CDYL2: variants seen among roughly 807,000 people sequenced by gnomAD.
CDYL2 encodes chromodomain Y like 2.
In CDYL2, 23 loss-of-function variants were observed where a neutral mutation model predicts 49.4. The observed-to-expected ratio is 0.47, with a 90% confidence interval of 0.34 to 0.66. CDYL2 has a LOEUF of 0.66. CDYL2 is among the 30% of genes least tolerant of loss of function. The probability of loss-of-function intolerance (pLI) is 0.01; values close to 1 mark genes in which losing one functional copy is unlikely to be tolerated. For missense variants in CDYL2, 678 were observed against 656.4 expected, an observed-to-expected ratio of 1.03 and a Z score of -0.36; for synonymous variants, 360 against 268.8, an observed-to-expected ratio of 1.34 and a Z score of -3.32.
intron 1 of CDYL2, among the ~76,000 whole-genome samples, chr16:80,786,815 C>G (rs1907451547): frequency 6.6e-6 from 1 of 151,900 alleles, no homozygotes; most frequent in Non-Finnish European, 1.5e-5. Flanking sequence ...CAAACTATCA[C>G]AAGATCAGAA....
chr16:80,612,647 G>A lies in CDYL2; in HGVS notation c.1197C>T (p.Pro399=). The change falls in exon 5 of 7, where the codon CCC becomes CCT. Residue 399 remains proline (P), a synonymous_variant. Transcript: ENST00000570137. The surrounding 1 kb of genome is among the most constrained non-coding windows in gnomAD (Gnocchi z 5.0). The part of the protein sequence containing the change: ...TPAGCSSYTF[P]QILGVALANE... ...TTACCAGCGCGACGCCCAGGATCTG[G>A]GGGAAGGTGTAGGAGGAGCAGCCAG... 1.2e-6 allele frequency: 2 copies of A among 1,610,790 alleles called. No individual in the cohort carries two copies. The highest frequency in any genetic ancestry group is 8.5e-7 in the Non-Finnish European group (1 of 1,178,758).
At chr16:80,714,463 T>C (rs1483765483) in intron 1 of CDYL2, among the ~76,000 whole-genome samples, 1 of 152,168 alleles carries the variant, frequency 6.6e-6, no homozygotes, top group African/African-American at 2.4e-5. Flanking sequence ...ACAATTACTA[T>C]ATGTCAACTA....
chr16:80,703,883 G>A (rs1410735478), intron 1 of CDYL2, among the ~76,000 whole-genome samples: 1 of 152,180 alleles, frequency 6.6e-6, no homozygotes, highest in Non-Finnish European at 1.5e-5. Flanking sequence ...TTTGCACCCA[G>A]GTAAGCAGAG....
intron 1 of CDYL2, among the ~76,000 whole-genome samples, chr16:80,705,067 C>T (rs1043034490): frequency 3.9e-5 from 6 of 152,214 alleles, no homozygotes; most frequent in African/African-American, 9.7e-5. Context: ...CTCACCAGTG[C>T]TTCGTCTACG....
rs1910097364 is a variant in CDYL2, at chr16:80,684,529, G to C, written c.616+9C>G. On this transcript the variant is annotated intron_variant, in intron 2 of 6. Transcript: ENST00000570137. ...AGAGCCAAACCCAAGAGAAAGAAAA[G>C]CTACAAACCGAGCCCGTTCTCCGCC... The C allele has an allele frequency of 6.2e-7, 1 of 1,605,738 alleles. No homozygotes were observed. The highest frequency in any genetic ancestry group is 1.7e-5 in the Admixed American group (1 of 59,478).
chr16:80,659,978 T>C (rs1290339048), intron 2 of CDYL2, among the ~76,000 whole-genome samples: 2 of 151,846 alleles, frequency 1.3e-5, no homozygotes, highest in African/African-American at 4.8e-5. Flanking sequence ...AAAAATCATA[T>C]TGTCAAAAAG....
At chr16:80,634,077 G>A (rs116655348) in intron 2 of CDYL2, among the ~76,000 whole-genome samples, 1,579 of 145,384 alleles carry the variant, frequency 0.011, 32 homozygotes, top group African/African-American at 0.039. Flanking sequence ...AAATACCTCC[G>A]TCCAAAAAAA....
At chr16:80,754,436 A>C (rs902137424) in intron 1 of CDYL2, among the ~76,000 whole-genome samples, 18 of 152,202 alleles carry the variant, frequency 1.2e-4, no homozygotes, top group African/African-American at 4.3e-4. Context: ...TTGCTATTAC[A>C]AAACAGGAAT....
chr16:80,631,862 T>C (rs1907578255), intron 3 of CDYL2, among the ~76,000 whole-genome samples: 1 of 152,136 alleles, frequency 6.6e-6, no homozygotes. Context: ...TGCACTAGTA[T>C]TGCTATAATA....
At chr16:80,662,992 TA>T (rs1909110242) in intron 2 of CDYL2, among the ~76,000 whole-genome samples, 1 of 151,842 alleles carries the variant, frequency 6.6e-6, no homozygotes, top group African/African-American at 2.4e-5. Flanking sequence ...AATAAATGAA[TA>T]AACACTAGAC....
chr16:80,652,087 C>T (rs933098649), intron 2 of CDYL2, among the ~76,000 whole-genome samples: 1 of 152,084 alleles, frequency 6.6e-6, no homozygotes, highest in Non-Finnish European at 1.5e-5. Context: ...ATGTGTATTG[C>T]CATGCTCTCT....
chr16:80,674,381 G>A (rs1018130651), intron 2 of CDYL2, among the ~76,000 whole-genome samples: 2 of 152,076 alleles, frequency 1.3e-5, no homozygotes, highest in Non-Finnish European at 2.9e-5. Context: ...GTAGGGAAAC[G>A]GTAGCTGTTA....
intron 2 of CDYL2, among the ~76,000 whole-genome samples, chr16:80,684,092 G>C (rs374203191): frequency 1.7e-4 from 26 of 152,194 alleles, no homozygotes; most frequent in African/African-American, 6.0e-4. Flanking sequence ...CCCCAACCCA[G>C]ACCCTACCTC....
intron 2 of CDYL2, among the ~76,000 whole-genome samples, chr16:80,642,633 G>A (rs185669819): frequency 1.3e-5 from 2 of 152,134 alleles, no homozygotes; most frequent in South Asian, 2.1e-4. Flanking sequence ...ACAGTTCCAC[G>A]TGGCTGGGGA....
intron 2 of CDYL2, among the ~76,000 whole-genome samples, chr16:80,638,728 T>C (rs920556445): frequency 6.6e-6 from 1 of 152,110 alleles, no homozygotes; most frequent in Non-Finnish European, 1.5e-5. Flanking sequence ...GGAGACAGGA[T>C]AGTTTTTCTC....
intron 2 of CDYL2, among the ~76,000 whole-genome samples, chr16:80,683,616 T>G (rs1351037047): frequency 1.3e-5 from 2 of 152,244 alleles, no homozygotes; most frequent in Non-Finnish European, 2.9e-5. Context: ...CACTACAGTC[T>G]GAACATTTAT....
chr16:80,682,144 G>C (rs543682428), intron 2 of CDYL2, among the ~76,000 whole-genome samples: 3 of 152,164 alleles, frequency 2.0e-5, no homozygotes, highest in African/African-American at 7.2e-5. Flanking sequence ...TGCAGAATCT[G>C]AGAACCAGTG....
Position 80,637,237 on chromosome 16 carries a change from G to A in CDYL2, c.617-4001C>T, listed in dbSNP as rs924670093. On this transcript the variant is annotated intron_variant, in intron 2 of 6. Transcript: ENST00000570137. ...AAAAGCACAAACTTAAAAAAAAAAG[G>A]GGGAAACGAAAGGGACTTCTTCAAT... Among the ~76,000 whole-genome samples, 19 of 151,620 alleles carry A rather than the reference G, an allele frequency of 1.3e-4. No individual in the cohort carries two copies. The East Asian group carries it at 2.1e-3, about 17-fold the overall frequency.
chr16:80,781,153 C>T (rs1046944106), intron 1 of CDYL2, among the ~76,000 whole-genome samples: 8 of 152,128 alleles, frequency 5.3e-5, no homozygotes, highest in Non-Finnish European at 8.8e-5. Flanking sequence ...AATCATTACA[C>T]AATACACATC....
Sources: gnomAD v4.1 joint callset for allele counts (sites outside exome capture counted in the v4.1 genomes callset) on GRCh38, gnomAD v4.1.1 for gene constraint, Gnocchi (gnomAD v3.1) non-coding constraint, MANE v1.5 for transcripts, NCBI Gene and HGNC (gene_info 2026-07-23, HGNC 2026-07-21) for gene names.